IQGAP2: variants seen among roughly 807,000 people sequenced by gnomAD.
IQGAP2 encodes IQ motif containing GTPase activating protein 2, also known as ras GTPase-activating-like protein IQGAP2.
IQGAP2 carries 173 observed loss-of-function variants against 201.3 expected under a neutral mutation model. That is an observed-to-expected ratio of 0.86 (90% CI 0.76 to 0.98). The LOEUF is 0.98. Ranked by LOEUF, IQGAP2 falls within the 50% of genes least tolerant of loss-of-function variation. IQGAP2 has a pLI of 0.00. For synonymous variants in IQGAP2, 675 were observed against 673.9 expected (o/e 1.00, Z -0.03); for missense variants, 1,687 against 1,864.8 (o/e 0.90, Z 1.76).
chr5:76,684,621 A>G (rs1046340733), intron 30 of IQGAP2, among the ~76,000 whole-genome samples: 2 of 152,236 alleles, frequency 1.3e-5, no homozygotes, highest in South Asian at 2.1e-4. Context: ...AATGCATATC[A>G]GTACATTAGA....
chr5:76,424,932 C>G (rs561235542), intron 1 of IQGAP2, among the ~76,000 whole-genome samples: 1 of 152,298 alleles, frequency 6.6e-6, no homozygotes, highest in Non-Finnish European at 1.5e-5. Context: ...GAAGAGGAGA[C>G]AGGCTGTGCC....
At chr5:76,684,822 G>GC (rs1241259424) in intron 30 of IQGAP2, among the ~76,000 whole-genome samples, 1 of 152,106 alleles carries the variant, frequency 6.6e-6, no homozygotes, top group African/African-American at 2.4e-5. Flanking sequence ...TGTGAATGAA[G>GC]ACAGCATTCA....
At position 76,476,182 on chromosome 5, in the gene IQGAP2, AGT is replaced by A. The variant is rs1378292377; in HGVS notation, c.146+14516_146+14517del. ...GTGTGTGGTTGGAGTGTAGTGGAGG[AGT>A]GTTACCAAGGTCATCCACCTTCTTG... is the stretch of plus-strand genomic sequence containing the variant. On this transcript the variant is annotated intron_variant, in intron 2 of 35. Coordinates refer to ENST00000274364, the MANE Select transcript of IQGAP2 (RefSeq NM_006633.5). 5.3e-5 allele frequency among the ~76,000 whole-genome samples: 8 copies of A among 152,010 alleles called. 2 individuals are homozygous for A. Among genetic ancestry groups the A allele is most frequent in the African/African-American group, 1.9e-4 (8 of 41,464 alleles).
chr5:76,429,551 G>A (rs964217756), intron 1 of IQGAP2, among the ~76,000 whole-genome samples: 19 of 145,078 alleles, frequency 1.3e-4, no homozygotes, highest in African/African-American at 4.9e-4. Context: ...CAGCCTGGGC[G>A]ACAGAGCGAG....
At chr5:76,516,698 A>G (rs1451645011) in intron 2 of IQGAP2, among the ~76,000 whole-genome samples, 1 of 152,166 alleles carries the variant, frequency 6.6e-6, no homozygotes, top group Non-Finnish European at 1.5e-5. Context: ...CAGAAAATAG[A>G]GCAGAAAATA....
intron 5 of IQGAP2, among the ~76,000 whole-genome samples, chr5:76,587,364 TGTCTGTGTC>T (rs147979162): frequency 0.28 from 43,139 of 151,918 alleles, 6,176 homozygotes; most frequent in South Asian, 0.5. Flanking sequence ...CACAAAGATG[TGTCTGTGTC>T]TATATGTAAG....
chr5:76,611,010 C>T lies in IQGAP2; in HGVS notation c.1358-10C>T. On this transcript the variant is annotated splice_polypyrimidine_tract_variant and intron_variant, in intron 12 of 35. Coordinates refer to ENST00000274364, the MANE Select transcript of IQGAP2 (RefSeq NM_006633.5). ...TGACTTAAAAGGAAAACTACTTCTT[C>T]ATTTTCTAGGAGTTGTAGCTGTAGG... 6.3e-7 allele frequency: 1 copy of T among 1,599,002 alleles called. No individual in the cohort carries two copies. The highest frequency in any genetic ancestry group is 8.5e-7 in the Non-Finnish European group (1 of 1,174,726).
At chr5:76,664,755 G>T (rs1207126845) in intron 21 of IQGAP2, among the ~76,000 whole-genome samples, 2 of 152,040 alleles carry the variant, frequency 1.3e-5, no homozygotes, top group Admixed American at 1.3e-4. Context: ...TCTACATATT[G>T]CAAGAATTAT....
intron 1 of IQGAP2, among the ~76,000 whole-genome samples, chr5:76,408,762 C>T (rs991743485): frequency 1.3e-4 from 19 of 151,764 alleles, no homozygotes; most frequent in Non-Finnish European, 2.5e-4. Flanking sequence ...ATCTGCCTGC[C>T]CCCCACCCAA....
At chr5:76,561,665 G>T (rs956903650) in intron 2 of IQGAP2, among the ~76,000 whole-genome samples, 1 of 152,112 alleles carries the variant, frequency 6.6e-6, no homozygotes, top group African/African-American at 2.4e-5. Flanking sequence ...ATGTGAACTG[G>T]CCTGTCTCCT....
chr5:76,587,134 G>A (rs1014361411), intron 5 of IQGAP2, among the ~76,000 whole-genome samples: 1 of 152,122 alleles, frequency 6.6e-6, no homozygotes, highest in Non-Finnish European at 1.5e-5. Flanking sequence ...GACAGTATAG[G>A]TTCCTAAGAG....
chr5:76,706,453 T>C (rs993379070), intron 35 of IQGAP2, among the ~76,000 whole-genome samples: 5 of 152,254 alleles, frequency 3.3e-5, no homozygotes, highest in African/African-American at 1.2e-4. Context: ...GTTCAAGTGA[T>C]TTTCCTGCCT....
chr5:76,585,519 CT>C lies in IQGAP2; in HGVS notation c.459-3376del, dbSNP rs796557657. ...TTCTCATTTCTTTTTTTCTTTTTTT[CT>C]TTTTTTTTTTGAGGTGGACTTTCAC... On this transcript the variant is annotated intron_variant, in intron 5 of 35. Transcript: ENST00000274364. 1.5e-3 allele frequency among the ~76,000 whole-genome samples: 208 copies of C among 142,930 alleles called. 1 individual carries two copies. The highest frequency in any genetic ancestry group is 4.1e-3 in the African/African-American group (159 of 39,168). The allele number at this position is 142,930 out of a possible 152,430, so 93.8% of individuals were successfully genotyped here. A position where few individuals can be genotyped will look rare whatever the true frequency, so the allele number is the denominator to read the frequency against.
chr5:76,617,366 A>G (rs368607249), intron 13 of IQGAP2: 8 of 452,038 alleles, frequency 1.8e-5, no homozygotes, highest in Admixed American at 3.7e-5. Context: ...AGAGGTTGCA[A>G]TGAGCCAAGA....
chr5:76,588,745 T>A (rs1258474382), intron 5 of IQGAP2, among the ~76,000 whole-genome samples, 161 bp from the exon 6 acceptor site: 1 of 152,210 alleles, frequency 6.6e-6, no homozygotes, highest in Non-Finnish European at 1.5e-5. Flanking sequence ...CCTCACCAAG[T>A]ACTCTGTTAC....
chr5:76,705,688 A>C (rs1747829360), intron 35 of IQGAP2, among the ~76,000 whole-genome samples: 1 of 152,192 alleles, frequency 6.6e-6, no homozygotes, highest in Non-Finnish European at 1.5e-5. Context: ...TATCTGAATA[A>C]TGTAGGGGTT....
intron 2 of IQGAP2, among the ~76,000 whole-genome samples, chr5:76,555,765 C>G (rs1481542510): frequency 6.6e-6 from 1 of 152,052 alleles, no homozygotes; most frequent in East Asian, 1.9e-4. Context: ...TATTCAGGGA[C>G]CCTGTCTGAT....
intron 2 of IQGAP2, among the ~76,000 whole-genome samples, chr5:76,523,837 G>A (rs1758821172): frequency 6.6e-6 from 1 of 152,076 alleles, no homozygotes; most frequent in Admixed American, 6.6e-5. Context: ...AAAGATTCAG[G>A]ATTTTAGAGA....
chr5:76,472,034 T>G (rs1443404760), intron 2 of IQGAP2, among the ~76,000 whole-genome samples: 1 of 152,262 alleles, frequency 6.6e-6, no homozygotes, highest in African/African-American at 2.4e-5. Context: ...CAAGATGAAC[T>G]GCTTGGTTGT....
Sources: gnomAD v4.1 joint callset for allele counts (sites outside exome capture counted in the v4.1 genomes callset) on GRCh38, gnomAD v4.1.1 for gene constraint, MANE v1.5 for transcripts, NCBI Gene and HGNC (gene_info 2026-07-23, HGNC 2026-07-21) for gene names.